The following KCNMB2 variants were observed in gnomAD, a reference collection of about 807,000 sequenced individuals.
KCNMB2 encodes the protein calcium-activated potassium channel subunit beta-2.
A neutral mutation model predicts 24.5 loss-of-function variants in KCNMB2; 9 were observed. The observed-to-expected ratio is 0.37, with a 90% CI of 0.22 to 0.64. KCNMB2 has a LOEUF of 0.64. KCNMB2 is among the 30% of genes least tolerant of loss of function. The pLI is 0.63. For synonymous variants in KCNMB2, 109 were observed against 104.4 expected, an observed-to-expected ratio of 1.04 and a Z score of -0.27; for missense variants, 226 against 284.3, an observed-to-expected ratio of 0.79 and a Z score of 1.47.
At chr3:178,702,193 A>C (rs1345522746) in intron 1 of KCNMB2, among the ~76,000 whole-genome samples, 1 of 149,762 alleles carries the variant, frequency 6.7e-6, no homozygotes, top group Admixed American at 6.7e-5. Flanking sequence ...CAAAAAACCA[A>C]ACACCGCATG....
In KCNMB2 at chr3:178,691,193, C is replaced by G. The variant is rs533511864; in HGVS notation, c.-67-116150C>G. Among the ~76,000 whole-genome samples the G allele has an allele frequency of 5.0e-5, 7 of 141,358 alleles. No individual in the cohort carries two copies. The South Asian group carries it at 1.4e-3, about 28-fold the overall frequency. 92.7% of individuals were successfully genotyped at this position (141,358 alleles called of 152,430 possible). Reference sequence around the variant, plus strand: ...GAACTCCTGACCTCAAATGATCCACCTGCCTCAGCCTCTCAAAGTCCTGGG... The same window carrying G: ...GAACTCCTGACCTCAAATGATCCACGTGCCTCAGCCTCTCAAAGTCCTGGG... On this transcript the variant is annotated intron_variant, in intron 1 of 4. Coordinates refer to ENST00000452583, the MANE Select transcript of KCNMB2 (RefSeq NM_181361.3).
intron 1 of KCNMB2, among the ~76,000 whole-genome samples, chr3:178,557,831 G>A (rs1716176731): frequency 1.3e-5 from 2 of 152,104 alleles, no homozygotes; most frequent in Non-Finnish European, 1.5e-5. Context: ...TTTAAATTAT[G>A]AGTAAACTAG....
intron 1 of KCNMB2, among the ~76,000 whole-genome samples, chr3:178,619,144 A>G (rs1163593204): frequency 6.6e-6 from 1 of 152,240 alleles, no homozygotes; most frequent in East Asian, 1.9e-4. Context: ...AGAGTAGAGC[A>G]TTATATGACC....
At chr3:178,571,396 A>T (rs1716774808) in intron 1 of KCNMB2, among the ~76,000 whole-genome samples, 2 of 144,144 alleles carry the variant, frequency 1.4e-5, no homozygotes, top group African/African-American at 5.0e-5. Context: ...AATAAAATAG[A>T]AGGAATATTT....
intron 1 of KCNMB2, among the ~76,000 whole-genome samples, chr3:178,544,785 G>T (rs950122011): frequency 6.6e-6 from 1 of 152,090 alleles, no homozygotes; most frequent in African/African-American, 2.4e-5. Context: ...TAGGCAAGTA[G>T]TAAAATATGC....
intron 1 of KCNMB2, among the ~76,000 whole-genome samples, chr3:178,676,838 TGTTTAGCATTTTAAC>T (rs1390698627): frequency 1.3e-5 from 2 of 152,178 alleles, no homozygotes; most frequent in Non-Finnish European, 2.9e-5. Flanking sequence ...CCCTTCCATT[TGTTTAGCATTTTAAC>T]GTTACGAAAC....
intron 1 of KCNMB2, among the ~76,000 whole-genome samples, chr3:178,621,755 C>T (rs1718931010): frequency 6.6e-6 from 1 of 152,060 alleles, no homozygotes; most frequent in South Asian, 2.1e-4. Context: ...AATAAAAAAA[C>T]ACATAAGTAG....
chr3:178,556,562 G>A (rs541100352), intron 1 of KCNMB2, among the ~76,000 whole-genome samples: 11 of 152,180 alleles, frequency 7.2e-5, no homozygotes, highest in East Asian at 1.9e-4. Flanking sequence ...CTGCCACCAC[G>A]CCCAGCTAAT....
intron 1 of KCNMB2, among the ~76,000 whole-genome samples, chr3:178,605,582 T>C (rs895494429): frequency 4.6e-5 from 7 of 152,156 alleles, no homozygotes; most frequent in East Asian, 1.9e-4. Flanking sequence ...AAAAGCAGCA[T>C]AGAAAGCCTC....
chr3:178,730,229 C>T (rs976391385), intron 1 of KCNMB2, among the ~76,000 whole-genome samples: 27 of 152,080 alleles, frequency 1.8e-4, no homozygotes, highest in African/African-American at 4.8e-5. Flanking sequence ...TTTGAGGTGG[C>T]CCTATGATCT....
intron 1 of KCNMB2, among the ~76,000 whole-genome samples, chr3:178,762,523 G>A (rs1239005472): frequency 6.6e-6 from 1 of 152,140 alleles, no homozygotes; most frequent in Admixed American, 6.6e-5. Context: ...AACAAGGGAA[G>A]CCCTGATAAA....
rs1313147122 is a variant in KCNMB2 at position 178,586,538 on chromosome 3, C to CGTT, written c.-68+49827_-68+49828insGTT. On this transcript the variant is annotated intron_variant, in intron 1 of 4. Coordinates refer to ENST00000452583, the MANE Select transcript of KCNMB2 (RefSeq NM_181361.3). ...ATTTTCTTTTCTTTTTTTTTTCTTTCTTTTTTTTTTTTTTTTTTTTTTTTT... is the reference window on the plus strand; with the variant it reads ...ATTTTCTTTTCTTTTTTTTTTCTTTCGTTTTTTTTTTTTTTTTTTTTTTTTTTT... Among the ~76,000 whole-genome samples the CGTT allele has an allele frequency of 1.6e-3, 111 of 68,492 alleles. 1 individual carries two copies. Among genetic ancestry groups the CGTT allele is most frequent in the African/African-American group, 5.7e-3 (101 of 17,652 alleles). 44.9% of individuals were successfully genotyped at this position (68,492 alleles called of 152,430 possible).
chr3:178,630,290 CAAAT>C (rs141050319), intron 1 of KCNMB2, among the ~76,000 whole-genome samples: 109 of 152,314 alleles, frequency 7.2e-4, no homozygotes, highest in African/African-American at 2.6e-3. Flanking sequence ...AACCTACTGA[CAAAT>C]AAGCATACAA....
intron 1 of KCNMB2, among the ~76,000 whole-genome samples, chr3:178,754,505 C>T (rs1331653936): frequency 6.6e-6 from 1 of 152,006 alleles, no homozygotes; most frequent in Non-Finnish European, 1.5e-5. Context: ...AAGAAAGATG[C>T]TATTAAAATG....
chr3:178,800,396 A>T (rs9860682), intron 1 of KCNMB2, among the ~76,000 whole-genome samples: 27,555 of 152,146 alleles, frequency 0.18, 2,868 homozygotes, highest in African/African-American at 0.28. Context: ...CTCAATAGAC[A>T]TACAAATGGC....
At chr3:178,597,869 T>C (rs1409580527) in intron 1 of KCNMB2, among the ~76,000 whole-genome samples, 1 of 152,118 alleles carries the variant, frequency 6.6e-6, no homozygotes, top group Non-Finnish European at 1.5e-5. Context: ...GATAATCTCC[T>C]TGGCTACAAC....
At chr3:178,805,888 T>C (rs1328559661) in intron 1 of KCNMB2, among the ~76,000 whole-genome samples, 1 of 152,158 alleles carries the variant, frequency 6.6e-6, no homozygotes, top group Non-Finnish European at 1.5e-5. Flanking sequence ...TCCTCCCTAC[T>C]AAGCCTCTCA....
At position 178,672,152 on chromosome 3, in the gene KCNMB2, T is replaced by G. The variant is rs547753666; in HGVS notation, c.-67-135191T>G. ...CCTGGAAATAACACAAGCATGAAGTTTTATTGCCTTCATGATTCAGTATTT... is the reference window on the plus strand; with the variant it reads ...CCTGGAAATAACACAAGCATGAAGTGTTATTGCCTTCATGATTCAGTATTT... On this transcript the variant is annotated intron_variant, in intron 1 of 4. Transcript: ENST00000452583. 4.0e-4 allele frequency among the ~76,000 whole-genome samples: 61 copies of G among 152,278 alleles called. 1 individual carries two copies. In the East Asian group the frequency reaches 0.01, roughly 26 times the overall value.
intron 2 of KCNMB2, 21 bp downstream of exon 2, chr3:178,807,486 G>C: frequency 1.9e-6 from 3 of 1,608,630 alleles, no homozygotes; most frequent in Non-Finnish European, 2.6e-6. Context: ...TGGGATTCTG[G>C]GCACTTTTCA....
Sources: allele counts gnomAD v4.1 joint callset (sites outside exome capture counted in the v4.1 genomes callset), GRCh38; gene constraint gnomAD v4.1.1; transcripts MANE v1.5; gene names NCBI Gene and HGNC (gene_info 2026-07-23, HGNC 2026-07-21).